SBF2: variants seen among roughly 807,000 people sequenced by gnomAD.
The protein encoded by SBF2 is SET binding factor 2.
SBF2 carries 112 observed loss-of-function variants against 225.2 expected under a neutral mutation model. The observed-to-expected ratio is 0.50, with a 90% CI of 0.43 to 0.58. SBF2 has a LOEUF of 0.58. Ranked by LOEUF, SBF2 falls within the 20% of genes least tolerant of loss-of-function variation. The probability of loss-of-function intolerance (pLI) is 0.00; values close to 1 mark genes in which losing one functional copy is unlikely to be tolerated. For missense variants in SBF2, 1,996 were observed against 2,206.2 expected (o/e 0.90, Z 1.91); for synonymous variants, 763 against 773.3 (o/e 0.99, Z 0.22).
At chr11:10,138,382 G>A (rs957452998) in intron 2 of SBF2, among the ~76,000 whole-genome samples, 14 of 152,026 alleles carry the variant, frequency 9.2e-5, no homozygotes, top group Admixed American at 3.9e-4. Flanking sequence ...TGTTCTAGGG[G>A]TGTAACAATT....
chr11:10,248,448 G>C (rs947271472), intron 1 of SBF2, among the ~76,000 whole-genome samples: 5 of 152,186 alleles, frequency 3.3e-5, no homozygotes, highest in African/African-American at 1.2e-4. Flanking sequence ...GTTAGGTAAG[G>C]CTTGGGACTT....
intron 16 of SBF2, among the ~76,000 whole-genome samples, chr11:9,925,991 T>G (rs769944710): frequency 3.9e-5 from 6 of 152,168 alleles, no homozygotes; most frequent in Admixed American, 6.5e-5. Flanking sequence ...TAGTTATAGA[T>G]AAAAGAGAGA....
At chr11:9,866,731 G>T (rs1858252538) in intron 17 of SBF2, among the ~76,000 whole-genome samples, 1 of 152,110 alleles carries the variant, frequency 6.6e-6, no homozygotes. Flanking sequence ...AGACAAATGG[G>T]ATTACATCAA....
chr11:9,993,091 G>T lies in SBF2; in HGVS notation c.1066C>A (p.Arg356=). 1 of 1,608,542 alleles carries T rather than the reference G, an allele frequency of 6.2e-7. No homozygotes were observed. Among genetic ancestry groups the T allele is most frequent in the Non-Finnish European group, 8.5e-7 (1 of 1,177,136 alleles). Reference sequence around the variant, plus strand: ...GCAAATAATCTAAGGAAAACGGCTCGCACCTCTTTATCCTAAAAATATAAG... The same window carrying T: ...GCAAATAATCTAAGGAAAACGGCTCTCACCTCTTTATCCTAAAAATATAAG... The part of the protein sequence containing the change: ...SHSKMLDKEV[R]AVFLRLFAQL... The change falls in exon 11 of 40, where the codon CGA becomes AGA. Residue 356 remains arginine (R), a synonymous_variant. Transcript: ENST00000256190.
rs376816562 is a variant in SBF2 at position 9,856,616 on chromosome 11, T to C, written c.2205A>G (p.Leu735=). Residue 735 remains leucine (L), a synonymous_variant, in exon 19 of 40, where the codon CTA becomes CTG. Coordinates refer to ENST00000256190, the MANE Select transcript of SBF2 (RefSeq NM_030962.4). ...PTLSKSTQQE[L]VQHEESTVFS... is the part of the protein sequence containing the mutation. ...AGACAGTGCTTTCCTCATGTTGCAC[T>C]AGCTCTTGCTGAGTTGACTTGCTCA... 2.0e-5 allele frequency: 32 copies of C among 1,614,078 alleles called. No individual in the cohort carries two copies. Among genetic ancestry groups the C allele is most frequent in the Non-Finnish European group, 2.7e-5 (32 of 1,180,038 alleles).
intron 1 of SBF2, among the ~76,000 whole-genome samples, chr11:10,201,807 C>G (rs559152148): frequency 8.0e-4 from 122 of 152,110 alleles, no homozygotes; most frequent in Non-Finnish European, 1.4e-3. Context: ...ACCAGCCTGG[C>G]CAACATGGTG....
At chr11:9,956,291 T>TA (rs1866159384) in intron 16 of SBF2, among the ~76,000 whole-genome samples, 1 of 152,224 alleles carries the variant, frequency 6.6e-6, no homozygotes, top group African/African-American at 2.4e-5. Flanking sequence ...CACTAGGTGA[T>TA]AGAGTACGCT....
chr11:9,975,334 A>C (rs1463620213), intron 13 of SBF2, among the ~76,000 whole-genome samples: 1 of 152,236 alleles, frequency 6.6e-6, no homozygotes, highest in Non-Finnish European at 1.5e-5. Flanking sequence ...AAACAACTGT[A>C]TGAAGCAACA....
chr11:9,979,981 T>C (rs1946871664), intron 13 of SBF2, among the ~76,000 whole-genome samples: 1 of 150,664 alleles, frequency 6.6e-6, no homozygotes, highest in Non-Finnish European at 1.5e-5. Context: ...CATCACCACA[T>C]GTAATTTTTT....
chr11:9,986,227 A>C (rs1947192023), intron 13 of SBF2, among the ~76,000 whole-genome samples: 1 of 152,124 alleles, frequency 6.6e-6, no homozygotes, highest in Admixed American at 6.6e-5. Flanking sequence ...AAAATTCTTC[A>C]AGCTGAATGA....
intron 1 of SBF2, among the ~76,000 whole-genome samples, chr11:10,232,413 T>C (rs1227902445): frequency 6.6e-6 from 1 of 152,198 alleles, no homozygotes; most frequent in African/African-American, 2.4e-5. Context: ...CTGGGAGCTG[T>C]AGACTGGAGC....
In SBF2 at chr11:9,832,401, C is replaced by T. The variant is rs201555861; in HGVS notation, c.3475G>A (p.Val1159Ile). 4.5e-5 allele frequency: 72 copies of T among 1,612,872 alleles called. No individual in the cohort carries two copies. The highest frequency in any genetic ancestry group is 1.5e-4 in the African/African-American group (11 of 74,630). The change falls in exon 27 of 40, where the codon GTA becomes ATA. Residue 1159 changes from valine to isoleucine, a missense_variant. Coordinates refer to ENST00000256190, the MANE Select transcript of SBF2 (RefSeq NM_030962.4). ...LCRSYPGLLV[V>I]PQAVQDSSLP... ...CTACTGTCCTGTACAGCTTGAGGTA[C>T]GACTAAAAGGCCAGGATAGCTTCAG...
At chr11:10,126,788 TC>T (rs1355723700) in intron 2 of SBF2, among the ~76,000 whole-genome samples, 12 of 152,106 alleles carry the variant, frequency 7.9e-5, no homozygotes, top group Non-Finnish European at 1.6e-4. Flanking sequence ...AATCCAACTG[TC>T]CATCAATGGA....
At chr11:10,153,932 C>A (rs1291628399) in intron 2 of SBF2, among the ~76,000 whole-genome samples, 1 of 152,066 alleles carries the variant, frequency 6.6e-6, no homozygotes, top group Non-Finnish European at 1.5e-5. Context: ...CCTTTCTCCA[C>A]TGAATAATCT....
At chr11:10,047,245 GTTATT>G (rs1425187631) in intron 2 of SBF2, among the ~76,000 whole-genome samples, 1 of 152,058 alleles carries the variant, frequency 6.6e-6, no homozygotes, top group Non-Finnish European at 1.5e-5. Flanking sequence ...ATCCCAGCAA[GTTATT>G]TTATGGATAT....
At chr11:10,163,080 A>G (rs1384191266) in intron 2 of SBF2, among the ~76,000 whole-genome samples, 3 of 152,246 alleles carry the variant, frequency 2.0e-5, no homozygotes, top group Non-Finnish European at 4.4e-5. Context: ...TGAGGGACAA[A>G]GCTAATGTCA....
At chr11:9,877,807 T>G (rs1859393810) in intron 17 of SBF2, among the ~76,000 whole-genome samples, 1 of 152,182 alleles carries the variant, frequency 6.6e-6, no homozygotes, top group African/African-American at 2.4e-5. Context: ...TGATGGACAT[T>G]TGGGTTGGTT....
At chr11:10,217,241 G>A (rs1345214396) in intron 1 of SBF2, among the ~76,000 whole-genome samples, 1 of 152,128 alleles carries the variant, frequency 6.6e-6, no homozygotes, top group Non-Finnish European at 1.5e-5. Flanking sequence ...GTCTAAAGTT[G>A]TCCAATATAT....
At chr11:9,878,572 A>C (rs566438482) in intron 17 of SBF2, among the ~76,000 whole-genome samples, 3 of 152,200 alleles carry the variant, frequency 2.0e-5, no homozygotes, top group Non-Finnish European at 4.4e-5. Context: ...CTGTCTCTTA[A>C]TAGCCTTTGA....
Sources: gnomAD v4.1 joint callset for allele counts (sites outside exome capture counted in the v4.1 genomes callset) on GRCh38, gnomAD v4.1.1 for gene constraint, MANE v1.5 for transcripts, NCBI Gene and HGNC (gene_info 2026-07-23, HGNC 2026-07-21) for gene names.